The following CABIN1 variants were observed in gnomAD, a reference collection of about 807,000 sequenced individuals.
CABIN1 encodes calcineurin-binding protein cabin-1.
A neutral mutation model predicts 227.7 loss-of-function variants in CABIN1; 133 were observed. That is an observed-to-expected ratio of 0.58 (90% CI 0.51 to 0.67). The LOEUF (loss-of-function observed/expected upper bound fraction) is 0.67, where lower values mean the gene tolerates loss of function less well. Among genes scored for constraint, CABIN1 ranks in the 30% least tolerant of loss-of-function variants. The pLI, the probability that CABIN1 is intolerant of heterozygous loss-of-function variation, is 0.00. For synonymous variants in CABIN1, 1,086 were observed against 1,155.1 expected (o/e 0.94, Z 1.21); for missense variants, 2,408 against 2,852.5 (o/e 0.84, Z 3.55).
At chr22:24,070,727 T>A in intron 16 of CABIN1, 73 bp from the exon 17 acceptor site, 1 of 1,610,216 alleles carries the variant, frequency 6.2e-7, no homozygotes, top group Non-Finnish European at 8.5e-7. Context: ...TTCCTTCAGT[T>A]GTCTCTGCTC....
intron 8 of CABIN1, among the ~76,000 whole-genome samples, chr22:24,051,468 C>G (rs1013265061): frequency 6.6e-6 from 1 of 152,170 alleles, no homozygotes; most frequent in African/African-American, 2.4e-5. Flanking sequence ...GAGAGTCTCT[C>G]TCTCTCCAGG....
At chr22:24,132,062 CAAAAAAAA>C (rs34365542) in intron 28 of CABIN1, among the ~76,000 whole-genome samples, 3 of 114,800 alleles carry the variant, frequency 2.6e-5, no homozygotes, top group East Asian at 2.4e-4. Flanking sequence ...ACTCTGTCTC[CAAAAAAAA>C]AAAAAAAAAA....
rs777805735 is a variant in CABIN1, at chr22:24,166,919, C to T, written c.5288C>T (p.Thr1763Met). The T allele has an allele frequency of 5.6e-6, 9 of 1,605,982 alleles. No individual in the cohort carries two copies. The highest frequency in any genetic ancestry group is 7.6e-6 in the Non-Finnish European group (9 of 1,176,668). The change falls in exon 32 of 37, where the codon ACG becomes ATG. Residue 1763 changes from threonine (T) to methionine (M), a missense_variant. Physicochemically the swap from Thr to Met is moderately conservative, Grantham distance 81. Coordinates refer to ENST00000263119, the MANE Select transcript of CABIN1 (RefSeq NM_012295.4). ...GCAGGGCCCACTGAGCCCATGGACA[C>T]GAGTGAGGCCACTGTTTGCCACTCA... The part of the protein sequence containing the change: ...PRAGPTEPMD[T>M]SEATVCHSDL...
rs772818449 is a variant in CABIN1 at position 24,036,185 on chromosome 22, C to T, written c.96+4C>T. 41 of 1,601,622 alleles carry T rather than the reference C, an allele frequency of 2.6e-5. No individual in the cohort carries two copies. Among genetic ancestry groups the T allele is most frequent in the Non-Finnish European group, 3.4e-5 (40 of 1,168,972 alleles). ...AACCCAGACAAAGGAGGCTCAGGTA[C>T]GTAATGCGAGGTCTTCTCTGTAGGT... On this transcript the variant is annotated splice_donor_region_variant and intron_variant, in intron 3 of 36. Transcript: ENST00000263119.
At chr22:24,108,003 C>T (rs142974005) in intron 26 of CABIN1, among the ~76,000 whole-genome samples, 1 of 152,356 alleles carries the variant, frequency 6.6e-6, no homozygotes, top group South Asian at 2.1e-4. Context: ...TCTGAGGCCT[C>T]ACGAGCATTG....
chr22:24,081,750 G>T lies in CABIN1; in HGVS notation c.2749-1478G>T, dbSNP rs1189533493. On this transcript the variant is annotated intron_variant, in intron 19 of 36. Coordinates refer to ENST00000263119, the MANE Select transcript of CABIN1 (RefSeq NM_012295.4). ...TATTATTTTTAAAAATTTTGGGCCAGGTGCAGTGGCTCACGCCTGTAATCC... is the reference window on the plus strand; with the variant it reads ...TATTATTTTTAAAAATTTTGGGCCATGTGCAGTGGCTCACGCCTGTAATCC... Among the ~76,000 whole-genome samples, 3 of 151,596 alleles carry T rather than the reference G, an allele frequency of 2.0e-5. No individual in the cohort carries two copies. In the East Asian group the frequency reaches 5.8e-4, roughly 29 times the overall value.
chr22:24,091,693 G>A lies in CABIN1; in HGVS notation c.3636G>A (p.Leu1212=), dbSNP rs766419247. ...AGGAGTGGCTCATCCACTACATGCT[G>A]GGCAAGGTGGCTGAGAAGCAGCAGC... ...DEEEWLIHYM[L]GKVAEKQQQP... Residue 1212 remains leucine (L), a synonymous_variant, in exon 24 of 37, where the codon CTG becomes CTA. Coordinates refer to ENST00000263119, the MANE Select transcript of CABIN1 (RefSeq NM_012295.4). 6.2e-7 allele frequency: 1 copy of A among 1,614,200 alleles called. No individual in the cohort carries two copies. The highest frequency in any genetic ancestry group is 1.1e-5 in the South Asian group (1 of 91,088).
intron 29 of CABIN1, chr22:24,155,991 C>T (rs1602391490): frequency 1.8e-6 from 1 of 565,902 alleles, no homozygotes; most frequent in Non-Finnish European, 3.1e-6. Flanking sequence ...CGGCCCGCCG[C>T]GAGCGAGAGA....
chr22:24,133,101 G>C (rs1289829662), intron 28 of CABIN1, among the ~76,000 whole-genome samples: 1 of 152,154 alleles, frequency 6.6e-6, no homozygotes, highest in African/African-American at 2.4e-5. Context: ...TCAGGGTGGG[G>C]CAGGCAGGGG....
At chr22:24,074,639 G>A (rs1208879871) in intron 18 of CABIN1, among the ~76,000 whole-genome samples, 2 of 152,080 alleles carry the variant, frequency 1.3e-5, no homozygotes, top group African/African-American at 2.4e-5. Context: ...TGAGGGGCCT[G>A]GTGAGGATAT....
intron 26 of CABIN1, among the ~76,000 whole-genome samples, chr22:24,099,176 C>G (rs969839421): frequency 6.6e-6 from 1 of 152,210 alleles, no homozygotes; most frequent in Non-Finnish European, 1.5e-5. Flanking sequence ...CCTGCTGAGG[C>G]CCTTGCCCAG....
At chr22:24,014,041 A>G (rs2035047402) in intron 1 of CABIN1, among the ~76,000 whole-genome samples, 1 of 152,218 alleles carries the variant, frequency 6.6e-6, no homozygotes. Context: ...AGGTTTCTAC[A>G]CCATAAAATT....
chr22:24,176,083 T>C (rs2047087801), intron 34 of CABIN1, 28 bp from the exon 35 acceptor site: 1 of 1,603,876 alleles, frequency 6.2e-7, no homozygotes, highest in Non-Finnish European at 8.5e-7. Flanking sequence ...ATGAGTCTAT[T>C]ACCTGCAGTG....
chr22:24,114,802 G>C (rs2042995814), intron 27 of CABIN1, among the ~76,000 whole-genome samples: 1 of 152,246 alleles, frequency 6.6e-6, no homozygotes, highest in African/African-American at 2.4e-5. Flanking sequence ...CTCCCTGCCA[G>C]CCTCCCCTGG....
At chr22:24,152,231 C>T (rs1479008555) in intron 29 of CABIN1, among the ~76,000 whole-genome samples, 2 of 152,228 alleles carry the variant, frequency 1.3e-5, no homozygotes, top group African/African-American at 2.4e-5. Flanking sequence ...CTCATCTCTG[C>T]GTCCTCACTC....
chr22:24,114,079 G>GTTT (rs1258896606), intron 27 of CABIN1, among the ~76,000 whole-genome samples: 1 of 152,114 alleles, frequency 6.6e-6, no homozygotes, highest in African/African-American at 2.4e-5. Flanking sequence ...TGTTGTTGTT[G>GTTT]TTGTTGTTGT....
At chr22:24,056,635 C>G in intron 10 of CABIN1, 1 of 452,478 alleles carries the variant, frequency 2.2e-6, no homozygotes, top group Non-Finnish European at 4.0e-6. Flanking sequence ...TGTGTATTTA[C>G]AAGACATCTA....
Position 24,067,116 on chromosome 22 carries a change from C to G in CABIN1, c.2167C>G (p.Arg723Gly). The change falls in exon 16 of 37, where the codon CGG becomes GGG. Residue 723 changes from arginine (R) to glycine (G), a missense_variant. Physicochemically the swap from Arg to Gly is moderately radical, Grantham distance 125. This residue lies in a region of CABIN1 where 1,045 missense variants were observed against 1,168.4 expected (regional missense o/e 0.89). Transcript: ENST00000263119. ...RPTLCTSGFD[R>G]AKHLEFMTSI... ...CACTTTGTGCACCAGTGGGTTTGAC[C>G]GGGCCAAACACCTGGAGTTTATGAC... The G allele has an allele frequency of 6.2e-7, 1 of 1,614,230 alleles. No individual in the cohort carries two copies. The highest frequency in any genetic ancestry group is 8.5e-7 in the Non-Finnish European group (1 of 1,180,038).
intron 1 of CABIN1, among the ~76,000 whole-genome samples, chr22:24,013,692 T>A (rs1255562635): frequency 6.6e-6 from 1 of 152,250 alleles, no homozygotes; most frequent in Non-Finnish European, 1.5e-5. Context: ...TACCATTTTT[T>A]AAATTAAGGT....
Sources: gnomAD v4.1 joint callset for allele counts (sites outside exome capture counted in the v4.1 genomes callset) on GRCh38, gnomAD v4.1.1 for gene constraint, gnomAD v4.1.1 regional missense constraint, MANE v1.5 for transcripts, NCBI Gene and HGNC (gene_info 2026-07-23, HGNC 2026-07-21) for gene names.